FBXO34: variants seen among roughly 807,000 people sequenced by gnomAD.
The protein encoded by FBXO34 is F-box only protein 34.
Under a neutral mutation model 24.5 loss-of-function variants are expected in FBXO34, and 12 were observed. That is an observed-to-expected ratio of 0.49 (90% CI 0.31 to 0.79). The LOEUF is 0.79. FBXO34 is among the 30% of genes least tolerant of loss of function. FBXO34 has a pLI of 0.04. For missense variants in FBXO34, 823 were observed against 857.7 expected (o/e 0.96, Z 0.51); for synonymous variants, 320 against 311.9 (o/e 1.03, Z -0.27).
chr14:55,290,881 A>C (rs1370265137), intron 1 of FBXO34, among the ~76,000 whole-genome samples: 2 of 152,066 alleles, frequency 1.3e-5, no homozygotes, highest in African/African-American at 4.8e-5. Flanking sequence ...GTGCAGTGGC[A>C]CTATCTCAGC....
In FBXO34 at chr14:55,352,737, C is replaced by A. The variant is rs942071592; in HGVS notation, c.*211C>A. On this transcript the variant is annotated 3_prime_UTR_variant, in exon 2 of 2. Transcript: ENST00000313833. ...TTTATAGTGGCATCTCATGTTTGAACCCGGGTGGTATCCCACAGTTGGATT... is the reference window on the plus strand; with the variant it reads ...TTTATAGTGGCATCTCATGTTTGAAACCGGGTGGTATCCCACAGTTGGATT... The A allele has an allele frequency of 1.9e-6, 1 of 515,746 alleles. No individual in the cohort carries two copies. Among genetic ancestry groups the A allele is most frequent in the Non-Finnish European group, 3.5e-6 (1 of 287,978 alleles). 31.9% of individuals were successfully genotyped at this position (515,746 alleles called of 1,614,324 possible).
chr14:55,332,541 G>A (rs1028082761), intron 1 of FBXO34, among the ~76,000 whole-genome samples: 1 of 152,276 alleles, frequency 6.6e-6, no homozygotes, highest in Middle Eastern at 3.4e-3. Context: ...TGGATAAAAA[G>A]CTCTTTCTCA....
chr14:55,271,739 C>G (rs1232447019), intron 1 of FBXO34: 1 of 151,612 alleles, frequency 6.6e-6, no homozygotes, highest in East Asian at 1.9e-4. Flanking sequence ...GCGGCTCTTT[C>G]CGCGCGCACG....
At chr14:55,286,657 G>A (rs187926259) in intron 1 of FBXO34, among the ~76,000 whole-genome samples, 133 of 152,244 alleles carry the variant, frequency 8.7e-4, no homozygotes, top group Admixed American at 1.7e-3. Flanking sequence ...AGCCCCTAAC[G>A]AAATTTCCAC....
chr14:55,367,307 C>G (rs1208350034), exon 3 of FBXO34: 1 of 152,188 alleles, frequency 6.6e-6, no homozygotes, highest in African/African-American at 2.4e-5. Flanking sequence ...CTAGACAACT[C>G]TTACAAGATC....
intron 1 of FBXO34, among the ~76,000 whole-genome samples, chr14:55,349,892 T>C (rs28716725): frequency 0.56 from 84,611 of 151,824 alleles, 26,614 homozygotes; most frequent in African/African-American, 0.87. Context: ...CAGACGTCAG[T>C]CACCATGCCC....
the FBXO34 span, among the ~76,000 whole-genome samples, chr14:55,379,452 G>A: frequency 1.3e-5 from 2 of 152,154 alleles, no homozygotes; most frequent in African/African-American, 4.8e-5. Flanking sequence ...TGAGGTGGGA[G>A]GATTGCTTGG....
intron 1 of FBXO34, among the ~76,000 whole-genome samples, chr14:55,309,325 A>G (rs1393340302): frequency 6.6e-6 from 1 of 152,022 alleles, no homozygotes; most frequent in Non-Finnish European, 1.5e-5. Context: ...TGGATGGGGG[A>G]GATGTCTCTA....
At chr14:55,369,161 T>TA (rs1667682578), downstream of FBXO34, 1 of 153,114 alleles carries the variant, frequency 6.5e-6, no homozygotes, top group African/African-American at 2.4e-5. Context: ...AAACTCTTAT[T>TA]AAAGAGCTTT....
the FBXO34 span, among the ~76,000 whole-genome samples, chr14:55,409,094 G>T: frequency 1.3e-5 from 2 of 152,334 alleles, no homozygotes; most frequent in Admixed American, 6.5e-5. Context: ...ACGTAGTCAG[G>T]AGAGAAATGA....
intron 1 of FBXO34, among the ~76,000 whole-genome samples, chr14:55,272,728 A>G (rs979788311): frequency 4.9e-4 from 75 of 152,086 alleles, no homozygotes; most frequent in African/African-American, 1.8e-3. Flanking sequence ...ATCCCACCCT[A>G]TGGTACCATG....
the FBXO34 span, among the ~76,000 whole-genome samples, chr14:55,429,349 G>C: frequency 1.3e-5 from 2 of 152,320 alleles, no homozygotes; most frequent in Admixed American, 6.5e-5. Context: ...TTCCACCTCA[G>C]ACATGCAGAA....
chr14:55,385,250 TAATA>T, the FBXO34 span, among the ~76,000 whole-genome samples: 1 of 152,170 alleles, frequency 6.6e-6, no homozygotes, highest in Non-Finnish European at 1.5e-5. Flanking sequence ...AACACACAAC[TAATA>T]AATGGCCCAA....
At chr14:55,396,209 A>G in the FBXO34 span, among the ~76,000 whole-genome samples, 1 of 152,176 alleles carries the variant, frequency 6.6e-6, no homozygotes, top group Non-Finnish European at 1.5e-5. Flanking sequence ...ACAAATGTCC[A>G]CAATAAATCT....
intron 1 of FBXO34, among the ~76,000 whole-genome samples, chr14:55,350,160 T>TAA (rs60811559): frequency 0.29 from 40,345 of 138,804 alleles, 6,038 homozygotes; most frequent in Non-Finnish European, 0.34. Flanking sequence ...TTATTTTCTG[T>TAA]AAAAAAAAAA....
intron 1 of FBXO34, among the ~76,000 whole-genome samples, chr14:55,304,872 C>A (rs1882486259): frequency 6.6e-6 from 1 of 152,010 alleles, no homozygotes; most frequent in Non-Finnish European, 1.5e-5. Context: ...TTTTCAAAAT[C>A]TTTTTTAAAA....
downstream of FBXO34, among the ~76,000 whole-genome samples, chr14:55,353,938 G>T (rs190712301): frequency 6.6e-6 from 1 of 152,204 alleles, no homozygotes; most frequent in Non-Finnish European, 1.5e-5. Flanking sequence ...GCTTGGTGGG[G>T]TTGGGAGGTG....
At chr14:55,434,589 G>A in the FBXO34 span, among the ~76,000 whole-genome samples, 1 of 152,140 alleles carries the variant, frequency 6.6e-6, no homozygotes, top group African/African-American at 2.4e-5. Flanking sequence ...GTGTGCTGAG[G>A]ATGGTGGACA....
downstream of FBXO34, among the ~76,000 whole-genome samples, chr14:55,373,943 G>A (rs1884870865): frequency 6.6e-6 from 1 of 152,156 alleles, no homozygotes; most frequent in African/African-American, 2.4e-5. Flanking sequence ...GTGAAAAGGG[G>A]ACTCCTGAAG....
Sources: allele counts gnomAD v4.1 joint callset (sites outside exome capture counted in the v4.1 genomes callset), GRCh38; gene constraint gnomAD v4.1.1; transcripts MANE v1.5; gene names NCBI Gene and HGNC (gene_info 2026-07-23, HGNC 2026-07-21).